Variants in ENPP3 observed in about 807,000 individuals in gnomAD.
The protein encoded by ENPP3 is ectonucleotide pyrophosphatase/phosphodiesterase family member 3.
A neutral mutation model predicts 117.8 loss-of-function variants in ENPP3; 104 were observed. The ratio of observed to expected loss-of-function variants is 0.88; its 90% CI spans 0.75 to 1.04. ENPP3 has a LOEUF of 1.04. Ranked by LOEUF, ENPP3 falls within the 50% of genes least tolerant of loss-of-function variation. The pLI is 0.00. For missense variants in ENPP3, 1,026 were observed against 1,051.9 expected, an observed-to-expected ratio of 0.98 and a Z score of 0.34; for synonymous variants, 380 against 349.9, an observed-to-expected ratio of 1.09 and a Z score of -0.96.
At chr6:131,659,403 A>G (rs984506459) in intron 6 of ENPP3, among the ~76,000 whole-genome samples, 1 of 152,002 alleles carries the variant, frequency 6.6e-6, no homozygotes, top group African/African-American at 2.4e-5. Flanking sequence ...CTGCCCTGCA[A>G]TTCCTCTCTT....
At chr6:131,706,023 A>G (rs1779631441) in intron 15 of ENPP3, among the ~76,000 whole-genome samples, 1 of 133,566 alleles carries the variant, frequency 7.5e-6, no homozygotes, top group South Asian at 2.4e-4. Context: ...ACTTTTTGTC[A>G]TTATTTTATT....
chr6:131,655,668 C>T (rs1778370489), intron 5 of ENPP3, among the ~76,000 whole-genome samples: 1 of 152,164 alleles, frequency 6.6e-6, no homozygotes, highest in Non-Finnish European at 1.5e-5. Context: ...TAAAGAGTCT[C>T]AACAAACCTA....
intron 7 of ENPP3, among the ~76,000 whole-genome samples, chr6:131,673,651 C>T (rs773728497): frequency 2.6e-5 from 4 of 151,700 alleles, no homozygotes; most frequent in Non-Finnish European, 5.9e-5. Flanking sequence ...CAAACCTTCA[C>T]ATGTACCCCC....
At chr6:131,746,111 T>C (rs1336299807) in intron 24 of ENPP3, among the ~76,000 whole-genome samples, 1 of 152,010 alleles carries the variant, frequency 6.6e-6, no homozygotes, top group South Asian at 2.1e-4. Flanking sequence ...AATTTGAATG[T>C]ACTCTATGGC....
chr6:131,687,877 T>C lies in ENPP3; in HGVS notation c.1284+1970T>C, dbSNP rs183435534. 7.9e-5 allele frequency among the ~76,000 whole-genome samples: 12 copies of C among 152,360 alleles called. No homozygotes were observed. In the East Asian group the frequency reaches 2.3e-3, roughly 29 times the overall value. ...ATGAAATTCATGACTTCACTATTGT[T>C]TGCAATGCGACTGTAACTATTTGAG... is the stretch of plus-strand genomic sequence containing the variant. On this transcript the variant is annotated intron_variant, in intron 14 of 24. Transcript: ENST00000357639.
intron 5 of ENPP3, among the ~76,000 whole-genome samples, chr6:131,656,157 T>C (rs1158337106): frequency 4.6e-5 from 7 of 152,128 alleles, no homozygotes. Flanking sequence ...GCTCTGCCCC[T>C]ACTGGCGGGG....
At chr6:131,698,241 G>A (rs1272576075) in intron 15 of ENPP3, among the ~76,000 whole-genome samples, 8 of 150,870 alleles carry the variant, frequency 5.3e-5, no homozygotes, top group Non-Finnish European at 7.4e-5. Flanking sequence ...ACAAAACACC[G>A]GTGCAAATCC....
intron 15 of ENPP3, among the ~76,000 whole-genome samples, chr6:131,716,597 T>A (rs1779892580): frequency 6.7e-6 from 1 of 149,812 alleles, no homozygotes; most frequent in Non-Finnish European, 1.5e-5. Flanking sequence ...CTTAATTACC[T>A]CCTACTAAAT....
In ENPP3 at chr6:131,726,371, C is replaced by T. The variant is rs562099044; in HGVS notation, c.1953+171C>T. 6.4e-4 allele frequency among the ~76,000 whole-genome samples: 97 copies of T among 152,258 alleles called. 2 individuals carry two copies. The highest frequency in any genetic ancestry group is 5.2e-4 in the Admixed American group (8 of 15,290). ...GATAAAGGTTGTTATAGGTGCTACA[C>T]GGGTGCAAAAGAGGAACACATTGTG... On this transcript the variant is annotated intron_variant, in intron 20 of 24. Coordinates refer to ENST00000357639, the MANE Select transcript of ENPP3 (RefSeq NM_005021.5).
intron 5 of ENPP3, 58 bp from the exon 6 acceptor site, chr6:131,658,265 C>T (rs1778426663): frequency 2.2e-6 from 2 of 909,270 alleles, no homozygotes; most frequent in Admixed American, 1.8e-5. Flanking sequence ...GATTGCAATG[C>T]TTTTGAGGTA....
intron 1 of ENPP3, among the ~76,000 whole-genome samples, chr6:131,640,900 T>C (rs909240332): frequency 5.9e-5 from 9 of 152,246 alleles, no homozygotes; most frequent in African/African-American, 2.2e-4. Flanking sequence ...TCAGGCAGTT[T>C]CCAAATTATC....
At chr6:131,715,805 T>G (rs1779876677) in intron 15 of ENPP3, among the ~76,000 whole-genome samples, 1 of 152,064 alleles carries the variant, frequency 6.6e-6, no homozygotes, top group Non-Finnish European at 1.5e-5. Context: ...TTGGTGCTAG[T>G]GCTTATTGTT....
chr6:131,692,637 A>G lies in ENPP3; in HGVS notation c.1285-860A>G, dbSNP rs148493544. On this transcript the variant is annotated intron_variant, in intron 14 of 24. Transcript: ENST00000357639. The stretch of plus-strand genomic sequence containing the variant: ...AGATGTCTGTCCATTTTCTGTTAAA[A>G]AAGAGGGTAATTCATAGTGGTTTAA... Among the ~76,000 whole-genome samples the G allele has an allele frequency of 7.7e-3, 1,146 of 148,182 alleles. 11 individuals carry two copies. The highest frequency in any genetic ancestry group is 0.012 in the South Asian group (58 of 4,762).
intron 1 of ENPP3, 133 bp downstream of exon 1, chr6:131,637,595 T>G: frequency 2.2e-6 from 1 of 451,734 alleles, no homozygotes; most frequent in South Asian, 5.5e-5. Context: ...TATTATCCCT[T>G]ATGAAAACTC....
At chr6:131,638,174 A>G (rs1046032184) in intron 1 of ENPP3, among the ~76,000 whole-genome samples, 2 of 152,072 alleles carry the variant, frequency 1.3e-5, no homozygotes, top group Admixed American at 6.6e-5. Context: ...CCCTGACTCA[A>G]AAGTCAGTCC....
In ENPP3 at chr6:131,733,605, G is replaced by A. The variant is rs1360850802; in HGVS notation, c.1971G>A (p.Leu657=). Residue 657 remains leucine (L), a synonymous_variant, in exon 21 of 25, where the codon CTG becomes CTA. Transcript: ENST00000357639. ...TTGAACAGGGAGACACATCGCCTCTGCCTCCCACTGTCCCAGACTGTCTGC... is the reference window on the plus strand; with the variant it reads ...TTGAACAGGGAGACACATCGCCTCTACCTCCCACTGTCCCAGACTGTCTGC... ...TVPQLGDTSP[L]PPTVPDCLRA... is the part of the protein sequence containing the mutation. 7 of 1,613,014 alleles carry A rather than the reference G, an allele frequency of 4.3e-6. No homozygotes were observed. The East Asian group carries it at 1.3e-4, about 31-fold the overall frequency.
In ENPP3 at chr6:131,669,943, G is replaced by A. The variant is rs570339396; in HGVS notation, c.563-1305G>A. 9.2e-5 allele frequency among the ~76,000 whole-genome samples: 14 copies of A among 152,268 alleles called. No individual in the cohort carries two copies. The South Asian group carries it at 2.5e-3, about 27-fold the overall frequency. On this transcript the variant is annotated intron_variant, in intron 6 of 24. Coordinates refer to ENST00000357639, the MANE Select transcript of ENPP3 (RefSeq NM_005021.5). ...TTTTGACTTAAAGAGAATTGATAACGGTGAAGCTTTATTTTAGAAGTAGAG... is the reference window on the plus strand; with the variant it reads ...TTTTGACTTAAAGAGAATTGATAACAGTGAAGCTTTATTTTAGAAGTAGAG...
Position 131,662,513 on chromosome 6 carries a change from G to A in ENPP3, c.562+4093G>A, listed in dbSNP as rs559414437. Among the ~76,000 whole-genome samples, 38 of 152,286 alleles carry A rather than the reference G, an allele frequency of 2.5e-4. 2 individuals are homozygous for A. In the Middle Eastern group the frequency reaches 0.01, roughly 41 times the overall value. On this transcript the variant is annotated intron_variant, in intron 6 of 24. Coordinates refer to ENST00000357639, the MANE Select transcript of ENPP3 (RefSeq NM_005021.5). Reference sequence around the variant, plus strand: ...GCCTCTCAAAGTGCTGGGATTACAGGTGTGAGCCACTGTGCCCAGCCTGGG... The same window carrying A: ...GCCTCTCAAAGTGCTGGGATTACAGATGTGAGCCACTGTGCCCAGCCTGGG...
Position 131,639,307 on chromosome 6 carries a change from C to T in ENPP3, c.78+1845C>T, listed in dbSNP as rs1166769508. On this transcript the variant is annotated intron_variant, in intron 1 of 24. Transcript: ENST00000357639. ...TCTCTCTTTTTTTTGGAGACATGTT[C>T]TCGCTCTGTTGCCCAGGCTGGAAGA... 2.7e-5 allele frequency among the ~76,000 whole-genome samples: 3 copies of T among 109,618 alleles called. No homozygotes were observed. The East Asian group carries it at 8.2e-4, about 30-fold the overall frequency. The allele number at this position is 109,618 out of a possible 152,430, so 71.9% of individuals were successfully genotyped here.
Sources: allele counts gnomAD v4.1 joint callset (sites outside exome capture counted in the v4.1 genomes callset), GRCh38; gene constraint gnomAD v4.1.1; transcripts MANE v1.5; gene names NCBI Gene and HGNC (gene_info 2026-07-23, HGNC 2026-07-21).